The following LMLN variants were observed in gnomAD, a reference collection of about 807,000 sequenced individuals.
The protein encoded by LMLN is leishmanolysin like peptidase, also known as leishmanolysin-like peptidase.
Under a neutral mutation model 92.3 loss-of-function variants are expected in LMLN, and 70 were observed. That is an observed-to-expected ratio of 0.76 (90% CI 0.63 to 0.92). The LOEUF is 0.92. Among genes scored for constraint, LMLN ranks in the 40% least tolerant of loss-of-function variants. The pLI, the probability that LMLN is intolerant of heterozygous loss-of-function variation, is 0.00. For missense variants in LMLN, 691 were observed against 814.6 expected, an observed-to-expected ratio of 0.85 and a Z score of 1.85; for synonymous variants, 308 against 296.2, an observed-to-expected ratio of 1.04 and a Z score of -0.41.
chr3:197,980,288 T>C (rs1321929101), intron 5 of LMLN, 38 bp from the exon 6 acceptor site: 3 of 1,577,314 alleles, frequency 1.9e-6, no homozygotes, highest in African/African-American at 1.4e-5. Flanking sequence ...GCTAACTTTG[T>C]CTCTGTTCTG....
intron 1 of LMLN, among the ~76,000 whole-genome samples, chr3:197,967,011 G>A (rs998778576): frequency 1.8e-4 from 27 of 152,060 alleles, no homozygotes; most frequent in Admixed American, 1.4e-3. Context: ...TCCCAGTCTC[G>A]TCTGGAGCCA....
rs755057307 is a variant in LMLN at position 198,019,283 on chromosome 3, G to A, written c.1263G>A (p.Thr421=). 1 of 1,613,816 alleles carries A rather than the reference G, an allele frequency of 6.2e-7. No individual in the cohort carries two copies. The highest frequency in any genetic ancestry group is 1.7e-5 in the Admixed American group (1 of 59,888). The change falls in exon 12 of 16, where the codon ACG becomes ACA. Residue 421 remains threonine (T), a synonymous_variant. Coordinates refer to ENST00000330198, the Ensembl canonical transcript of LMLN. This position sits in a 1 kb window ranked among gnomAD's most constrained non-coding sequence, Gnocchi z 5.5. ...AGATGCTGAGCCCTTACTGTGACAC[G>A]CTCAGAAGTAACCCACTGCAGCTAA...
In LMLN at chr3:198,031,497, G is replaced by A. The variant is rs566157106; in HGVS notation, c.1657-4336G>A. 1.3e-3 allele frequency among the ~76,000 whole-genome samples: 202 copies of A among 152,174 alleles called. No homozygotes were observed. Among genetic ancestry groups the A allele is most frequent in the African/African-American group, 4.5e-3 (188 of 41,524 alleles). On this transcript the variant is annotated intron_variant, in intron 14 of 15. Transcript: ENST00000330198. The surrounding 1 kb of genome is among the most constrained non-coding windows in gnomAD (Gnocchi z 4.8). Reference sequence around the variant, plus strand: ...ACATTTTGGGGTGGCGTGTTCTGCCGTCCTTCAATAGCTTGGGTGGGTATA... The same window carrying A: ...ACATTTTGGGGTGGCGTGTTCTGCCATCCTTCAATAGCTTGGGTGGGTATA...
intron 7 of LMLN, among the ~76,000 whole-genome samples, chr3:197,984,922 C>A (rs538666154): frequency 1.3e-5 from 2 of 152,190 alleles, no homozygotes; most frequent in South Asian, 2.1e-4. Flanking sequence ...AGTGATCCCC[C>A]CCGCCTCAGC....
intron 6 of LMLN, among the ~76,000 whole-genome samples, chr3:197,981,247 C>T (rs1269246178): frequency 9.9e-5 from 15 of 151,786 alleles, no homozygotes; most frequent in Admixed American, 9.9e-4. Flanking sequence ...TGGTGTGTGC[C>T]GGTAGTCCCA....
rs141519810 is a variant in LMLN at position 197,972,359 on chromosome 3, C to T, written c.220-2018C>T. Among the ~76,000 whole-genome samples the T allele has an allele frequency of 2.0e-3, 312 of 152,232 alleles. 3 individuals carry two copies. The highest frequency in any genetic ancestry group is 6.5e-3 in the African/African-American group (270 of 41,534). On this transcript the variant is annotated intron_variant, in intron 1 of 15. Coordinates refer to ENST00000330198, the Ensembl canonical transcript of LMLN. ...GATTACAGGCATGAGCCACCGTGTC[C>T]GGCCCCAATGAATTTTTCATTTTAA...
At chr3:197,967,866 A>G (rs1721103344) in intron 1 of LMLN, among the ~76,000 whole-genome samples, 1 of 152,204 alleles carries the variant, frequency 6.6e-6, no homozygotes, top group Admixed American at 6.5e-5. Context: ...ATTGCTGGGA[A>G]AAGAATTTAG....
intron 10 of LMLN, among the ~76,000 whole-genome samples, chr3:197,998,832 CAT>C (rs767485764): frequency 7.9e-5 from 12 of 152,328 alleles, no homozygotes; most frequent in South Asian, 4.1e-4. Context: ...GCATGTTACA[CAT>C]GTTTCTGTGA....
At chr3:198,035,076 C>T (rs1723174883) in intron 14 of LMLN, among the ~76,000 whole-genome samples, 1 of 152,076 alleles carries the variant, frequency 6.6e-6, no homozygotes, top group East Asian at 2.0e-4. Flanking sequence ...GTGGCACATG[C>T]CTGTAGTCCC....
At chr3:197,964,406 GTT>G (rs71225232) in intron 1 of LMLN, among the ~76,000 whole-genome samples, 2 of 135,998 alleles carry the variant, frequency 1.5e-5, no homozygotes, top group Non-Finnish European at 1.6e-5. Context: ...TTTGTTTTTT[GTT>G]TTTTTTTTTT....
chr3:198,009,594 G>T (rs1722379739), intron 11 of LMLN, among the ~76,000 whole-genome samples: 2 of 152,072 alleles, frequency 1.3e-5, no homozygotes, highest in Non-Finnish European at 2.9e-5. Flanking sequence ...AAACATCTGG[G>T]CCTGGAGATT....
In LMLN at chr3:198,025,422, G is replaced by A. The variant is rs574719598; in HGVS notation, c.1656+634G>A. 2.0e-5 allele frequency among the ~76,000 whole-genome samples: 3 copies of A among 151,944 alleles called. No homozygotes were observed. Among genetic ancestry groups the A allele is most frequent in the Non-Finnish European group, 4.4e-5 (3 of 67,986 alleles). On this transcript the variant is annotated intron_variant, in intron 14 of 15. Coordinates refer to ENST00000330198, the Ensembl canonical transcript of LMLN. This position sits in a 1 kb window ranked among gnomAD's most constrained non-coding sequence, Gnocchi z 4.3. ...AAGGTCTTGCTCTGTCAGCTAGGCTGGAGTGCTGCTGCAGTCACGGCTCAT... is the reference window on the plus strand; with the variant it reads ...AAGGTCTTGCTCTGTCAGCTAGGCTAGAGTGCTGCTGCAGTCACGGCTCAT...
At chr3:197,983,219 T>G (rs1009164137) in intron 6 of LMLN, among the ~76,000 whole-genome samples, 1 of 152,228 alleles carries the variant, frequency 6.6e-6, no homozygotes, top group Non-Finnish European at 1.5e-5. Flanking sequence ...TTTGTGGTGT[T>G]TCTATGTAAG....
chr3:198,007,816 A>G (rs1265844190), intron 11 of LMLN, among the ~76,000 whole-genome samples: 1 of 152,214 alleles, frequency 6.6e-6, no homozygotes, highest in African/African-American at 2.4e-5. Flanking sequence ...ATCCATAAAC[A>G]TGGGAGAAAA....
chr3:198,014,117 T>G (rs1200092093), intron 11 of LMLN, among the ~76,000 whole-genome samples: 1 of 147,270 alleles, frequency 6.8e-6, no homozygotes, highest in African/African-American at 2.6e-5. Flanking sequence ...CTAACTAGTC[T>G]GACTTCTCTG....
Position 198,030,415 on chromosome 3 carries a change from G to A in LMLN, c.1657-5418G>A, listed in dbSNP as rs942634911. Among the ~76,000 whole-genome samples the A allele has an allele frequency of 7.2e-5, 11 of 152,100 alleles. No individual in the cohort carries two copies. The South Asian group carries it at 2.3e-3, about 32-fold the overall frequency. On this transcript the variant is annotated intron_variant, in intron 14 of 15. Coordinates refer to ENST00000330198, the Ensembl canonical transcript of LMLN. ...ACTTCCCCGTTCTCCCCAGTATTTC[G>A]TTTTCTCTGGATTTAAGACCTTGTT...
exon 16 of LMLN, chr3:198,040,883 C>A (rs1169655168): frequency 7.1e-6 from 1 of 140,500 alleles, no homozygotes; most frequent in Non-Finnish European, 1.5e-5. Context: ...TAACCACAAC[C>A]CTCGGACAGA....
chr3:197,997,923 A>G (rs905095518), intron 10 of LMLN, among the ~76,000 whole-genome samples: 1 of 152,260 alleles, frequency 6.6e-6, no homozygotes, highest in Non-Finnish European at 1.5e-5. Context: ...ACTTATTTAT[A>G]TCTGTGATAC....
At chr3:197,996,341 G>A in intron 10 of LMLN, 59 bp downstream of exon 10, 1 of 1,140,006 alleles carries the variant, frequency 8.8e-7, no homozygotes, top group African/African-American at 1.6e-5. Context: ...CATAATTATG[G>A]TAAAACTTAT....
Sources: allele counts gnomAD v4.1 joint callset (sites outside exome capture counted in the v4.1 genomes callset), GRCh38; gene constraint gnomAD v4.1.1; non-coding constraint Gnocchi (gnomAD v3.1); transcripts MANE v1.5; gene names NCBI Gene and HGNC (gene_info 2026-07-23, HGNC 2026-07-21).